Variants in TM2D3 observed in about 807,000 individuals in gnomAD.
TM2D3 encodes the protein TM2 domain-containing protein 3.
Under a neutral mutation model 27.3 loss-of-function variants are expected in TM2D3, and 33 were observed. The observed-to-expected ratio is 1.21, with a 90% CI of 0.92 to 1.61. TM2D3 has a LOEUF of 1.61. TM2D3 is among the 40% of genes most tolerant of loss of function. The pLI is 0.00. For missense variants in TM2D3, 364 were observed against 320.8 expected (o/e 1.13, Z -1.03); for synonymous variants, 138 against 122.2 (o/e 1.13, Z -0.85).
chr15:101,649,877 C>G, intron 3 of TM2D3, 127 bp downstream of exon 3: 1 of 921,532 alleles, frequency 1.1e-6, no homozygotes, highest in Non-Finnish European at 1.6e-6. Context: ...CTTACATACT[C>G]AAAAGGGAAA....
At position 101,648,953 on chromosome 15, in the gene TM2D3, CCTA is replaced by C. The variant is rs1251672326; in HGVS notation, c.327+1048_327+1050del. On this transcript the variant is annotated intron_variant, in intron 3 of 5. Transcript: ENST00000333202. Reference sequence around the variant, plus strand: ...TAAGTTTAACAGATATGGCAAATCGCCTACAAGAGGTTGATCAATTTGATTACC... The same window carrying C: ...TAAGTTTAACAGATATGGCAAATCGCCAAGAGGTTGATCAATTTGATTACC... 2.0e-5 allele frequency among the ~76,000 whole-genome samples: 3 copies of C among 152,178 alleles called. No individual in the cohort carries two copies. The East Asian group carries it at 5.8e-4, about 29-fold the overall frequency.
In TM2D3 at chr15:101,649,997, T is replaced by G. The variant is rs1266597119; in HGVS notation, c.327+7A>C. The G allele has an allele frequency of 3.1e-6, 5 of 1,612,250 alleles. No individual in the cohort carries two copies. Among genetic ancestry groups the G allele is most frequent in the Non-Finnish European group, 4.2e-6 (5 of 1,179,066 alleles). On this transcript the variant is annotated splice_region_variant and intron_variant, in intron 3 of 5. Transcript: ENST00000333202. ...TTTATTTAGAATAAGTAAGCTGCAG[T>G]ACTTACAACACAGGTAACAGATGGT...
downstream of TM2D3, among the ~76,000 whole-genome samples, chr15:101,637,910 G>A (rs1468425391): frequency 6.6e-6 from 1 of 152,136 alleles, no homozygotes; most frequent in Non-Finnish European, 1.5e-5. Flanking sequence ...CGAGCATTTT[G>A]CAAGTTGTAT....
chr15:101,638,885 T>C (rs1342904918), downstream of TM2D3, among the ~76,000 whole-genome samples: 1 of 152,122 alleles, frequency 6.6e-6, no homozygotes, highest in Non-Finnish European at 1.5e-5. Flanking sequence ...AGCAATACTT[T>C]TAGGTGTTTA....
downstream of TM2D3, among the ~76,000 whole-genome samples, chr15:101,640,219 T>C (rs983211281): frequency 1.1e-4 from 16 of 152,176 alleles, no homozygotes; most frequent in Non-Finnish European, 2.2e-4. Flanking sequence ...ACTGTAATGA[T>C]GGTATCAGGA....
chr15:101,637,718 C>A (rs557903821), downstream of TM2D3, among the ~76,000 whole-genome samples: 114 of 152,304 alleles, frequency 7.5e-4, 1 homozygote, highest in Middle Eastern at 0.017. Flanking sequence ...TAGCTGGGAC[C>A]ACAGGCGCAC....
Position 101,651,693 on chromosome 15 carries a change from TA to T in TM2D3, c.169+2del, listed in dbSNP as rs760701151. 3.7e-6 allele frequency: 6 copies of T among 1,613,954 alleles called. No homozygotes were observed. On this transcript the variant is annotated splice_donor_variant, in intron 2 of 5. Transcript: ENST00000333202. LOFTEE classifies it high-confidence loss of function. ...ATTTACTAGAATAGAAAACGTCTAGTACCTGCTGCCCTGGGAACTACTGTGA... is the reference window on the plus strand; with the variant it reads ...ATTTACTAGAATAGAAAACGTCTAGTCCTGCTGCCCTGGGAACTACTGTGA...
At chr15:101,642,851 C>A (rs1453462231) in intron 5 of TM2D3, among the ~76,000 whole-genome samples, 1 of 152,140 alleles carries the variant, frequency 6.6e-6, no homozygotes, top group Admixed American at 6.5e-5. Flanking sequence ...AGTAAACATA[C>A]AATTTTTAGC....
chr15:101,647,047 C>T (rs1010677832), intron 3 of TM2D3, 148 bp from the exon 4 acceptor site: 2 of 742,766 alleles, frequency 2.7e-6, no homozygotes, highest in African/African-American at 3.5e-5. Flanking sequence ...GTTACCAAAA[C>T]AATATGTATG....
intron 1 of TM2D3, 182 bp downstream of exon 1, chr15:101,652,089 G>A (rs1896997523): frequency 1.7e-6 from 1 of 582,892 alleles, no homozygotes; most frequent in Non-Finnish European, 2.9e-6. Context: ...CCGGAGCGGA[G>A]GGGCGGCCTC....
chr15:101,635,720 C>A (rs1896537763), intron 4 of TM2D3: 1 of 152,154 alleles, frequency 6.6e-6, no homozygotes, highest in South Asian at 2.1e-4. Flanking sequence ...AGTGCTAAAT[C>A]CCCAGGGCTC....
At chr15:101,634,743 C>A (rs1896519405) in intron 4 of TM2D3, 1 of 152,294 alleles carries the variant, frequency 6.6e-6, no homozygotes, top group African/African-American at 2.4e-5. Context: ...AAATTTTATT[C>A]TCTTACCACA....
At chr15:101,633,425 T>A (rs1036138578) in exon 5 of TM2D3, 1 of 381,624 alleles carries the variant, frequency 2.6e-6, no homozygotes, top group Non-Finnish European at 4.7e-6. Flanking sequence ...GATCTTGGAG[T>A]CTTCTTCCAA....
At chr15:101,639,787 C>T (rs1257377359), downstream of TM2D3, among the ~76,000 whole-genome samples, 1 of 152,206 alleles carries the variant, frequency 6.6e-6, no homozygotes, top group African/African-American at 2.4e-5. Flanking sequence ...CTTGCAGCCA[C>T]CTCAACTGCC....
intron 5 of TM2D3, among the ~76,000 whole-genome samples, chr15:101,642,876 A>G (rs1896704688): frequency 6.6e-6 from 1 of 152,178 alleles, no homozygotes; most frequent in African/African-American, 2.4e-5. Context: ...CTAAAAAACC[A>G]ATGTTTTCTT....
chr15:101,652,154 C>G lies in TM2D3; in HGVS notation c.91+117G>C, dbSNP rs1441554210. The G allele has an allele frequency of 4.0e-6, 4 of 1,003,832 alleles. No homozygotes were observed. The South Asian group carries it at 4.3e-5, about 11-fold the overall frequency. The allele number at this position is 1,003,832 out of a possible 1,614,324, so 62.2% of individuals were successfully genotyped here. A position where few individuals can be genotyped will look rare whatever the true frequency, so the allele number is the denominator to read the frequency against. ...GATGCAGCGACAAGCGGCCCGGAGC[C>G]CGGCACTCGGCCTCCTCCCCGCGTC... On this transcript the variant is annotated intron_variant, in intron 1 of 5. Transcript: ENST00000333202.
chr15:101,637,186 G>T (rs1442393831), downstream of TM2D3, among the ~76,000 whole-genome samples: 4 of 152,208 alleles, frequency 2.6e-5, no homozygotes, highest in Non-Finnish European at 5.9e-5. Flanking sequence ...GGTTGAAAGT[G>T]TTATTGTCTA....
chr15:101,643,204 T>C (rs1352665411), intron 5 of TM2D3, among the ~76,000 whole-genome samples: 1 of 152,176 alleles, frequency 6.6e-6, no homozygotes, highest in Non-Finnish European at 1.5e-5. Context: ...TCAGCTCCAA[T>C]AATCAACACT....
chr15:101,648,327 T>C (rs1896872316), intron 3 of TM2D3: 1 of 152,240 alleles, frequency 6.6e-6, no homozygotes, highest in African/African-American at 2.4e-5. Context: ...CATTTTCTTA[T>C]CAATGCAAAA....
Sources: allele counts gnomAD v4.1 joint callset (sites outside exome capture counted in the v4.1 genomes callset), GRCh38; gene constraint gnomAD v4.1.1; transcripts MANE v1.5; gene names NCBI Gene and HGNC (gene_info 2026-07-23, HGNC 2026-07-21).